The following OLA1 variants were observed in gnomAD, a reference collection of about 807,000 sequenced individuals.
The protein encoded by OLA1 is Obg like ATPase 1, also known as obg-like ATPase 1.
In OLA1, 14 loss-of-function variants were observed where a neutral mutation model predicts 48.4. The observed-to-expected ratio is 0.29, with a 90% CI of 0.19 to 0.45. The LOEUF is 0.45. OLA1 is among the 20% of genes least tolerant of loss of function. OLA1 has a pLI of 1.00. For missense variants in OLA1, 325 were observed against 467.1 expected, an observed-to-expected ratio of 0.70 and a Z score of 2.80; for synonymous variants, 127 against 150.4, an observed-to-expected ratio of 0.84 and a Z score of 1.14.
At chr2:174,181,221 G>C (rs76519710) in intron 4 of OLA1, among the ~76,000 whole-genome samples, 20,125 of 152,132 alleles carry the variant, frequency 0.13, 1,792 homozygotes, top group Non-Finnish European at 0.2. Context: ...ATAAACAAGG[G>C]GGCATTTTAA....
chr2:174,222,988 A>ACTGATCTG, intron 4 of OLA1, 45 bp downstream of exon 4: 1 of 1,560,298 alleles, frequency 6.4e-7, no homozygotes, highest in Non-Finnish European at 8.7e-7. Flanking sequence ...GAAAGAAAAC[A>ACTGATCTG]CTGATCTGAA....
intron 4 of OLA1, among the ~76,000 whole-genome samples, chr2:174,199,279 G>A (rs1167021513): frequency 6.6e-6 from 1 of 151,978 alleles, no homozygotes; most frequent in East Asian, 1.9e-4. Flanking sequence ...TAAAATTCAG[G>A]CTCTCAGCCA....
At chr2:174,241,729 A>C (rs1294883564) in intron 2 of OLA1, among the ~76,000 whole-genome samples, 3 of 152,194 alleles carry the variant, frequency 2.0e-5, no homozygotes, top group Non-Finnish European at 4.4e-5. Flanking sequence ...TCTGCCTCCC[A>C]GGTTCAAGCC....
intron 2 of OLA1, among the ~76,000 whole-genome samples, chr2:174,236,668 T>G (rs1688858204): frequency 6.6e-6 from 1 of 152,226 alleles, no homozygotes; most frequent in Non-Finnish European, 1.5e-5. Context: ...CAAACCTAGA[T>G]GGTACAGCCT....
intron 9 of OLA1, among the ~76,000 whole-genome samples, chr2:174,079,594 G>C (rs1684817073): frequency 6.6e-6 from 1 of 151,702 alleles, no homozygotes; most frequent in African/African-American, 2.4e-5. Flanking sequence ...AAAAAATTTC[G>C]ATAATAAAAT....
At chr2:174,184,820 T>G (rs1687617230) in intron 4 of OLA1, among the ~76,000 whole-genome samples, 1 of 152,210 alleles carries the variant, frequency 6.6e-6, no homozygotes, top group South Asian at 2.1e-4. Context: ...CAGACTATGT[T>G]AAACAAGAAA....
chr2:174,169,143 C>T (rs1279491300), intron 4 of OLA1, among the ~76,000 whole-genome samples: 8 of 152,104 alleles, frequency 5.3e-5, no homozygotes, highest in South Asian at 2.1e-4. Context: ...GATGGGGTTT[C>T]GCCATGTTGG....
intron 4 of OLA1, among the ~76,000 whole-genome samples, chr2:174,162,401 T>C (rs1290875627): frequency 1.3e-5 from 2 of 152,158 alleles, no homozygotes; most frequent in Non-Finnish European, 2.9e-5. Flanking sequence ...AAATATGTGG[T>C]CCTATGGAAT....
In OLA1 at chr2:174,163,030, TGA is replaced by T. The variant is rs1284153910; in HGVS notation, c.374-21032_374-21031del. Among the ~76,000 whole-genome samples, 212 of 151,556 alleles carry T rather than the reference TGA, an allele frequency of 1.4e-3. 1 individual carries two copies. Among genetic ancestry groups the T allele is most frequent in the Non-Finnish European group, 2.8e-4 (19 of 67,830 alleles). ...CTGCACTCCAGCCTGGGCAACAGAGTGAGACTGTCTCAAACAAAGAAAAGAAC... is the reference window on the plus strand; with the variant it reads ...CTGCACTCCAGCCTGGGCAACAGAGTGACTGTCTCAAACAAAGAAAAGAAC... On this transcript the variant is annotated intron_variant, in intron 4 of 10. Coordinates refer to ENST00000284719, the MANE Select transcript of OLA1 (RefSeq NM_013341.5).
chr2:174,174,535 G>A (rs757809955), intron 4 of OLA1, among the ~76,000 whole-genome samples: 34 of 151,900 alleles, frequency 2.2e-4, no homozygotes, highest in Non-Finnish European at 4.0e-4. Context: ...ACCTGATTAA[G>A]GGCTTCTAAA....
chr2:174,092,083 T>C (rs9636296), intron 7 of OLA1, among the ~76,000 whole-genome samples: 77,369 of 141,802 alleles, frequency 0.55, 21,701 homozygotes, highest in East Asian at 0.95. Flanking sequence ...GCCAAGATCA[T>C]GCCTCTGCAC....
In OLA1 at chr2:174,123,837, T is replaced by A. The variant is rs139336256; in HGVS notation, c.550-162A>T. On this transcript the variant is annotated intron_variant, in intron 5 of 10. Coordinates refer to ENST00000284719, the MANE Select transcript of OLA1 (RefSeq NM_013341.5). The stretch of plus-strand genomic sequence containing the variant: ...TTTCAATATCTCATTTAAAAACCAA[T>A]TACTAATAAAACATTGTGGCATTAA... Among the ~76,000 whole-genome samples the A allele has an allele frequency of 7.9e-3, 1,208 of 152,300 alleles. 17 individuals carry two copies. Among genetic ancestry groups the A allele is most frequent in the African/African-American group, 0.027 (1,137 of 41,570 alleles).
At position 174,073,672 on chromosome 2, in the gene OLA1, T is replaced by C. The variant is rs1172383131; in HGVS notation, c.*1754A>G. The stretch of plus-strand genomic sequence containing the variant: ...AAAGTAAAATTGCATGATCCTAATG[T>C]CTTTTTACTGATTTCAAACTTCTTT... On this transcript the variant is annotated 3_prime_UTR_variant, in exon 11 of 11. Transcript: ENST00000284719. 1 of 152,256 alleles carries C rather than the reference T, an allele frequency of 6.6e-6. No individual in the cohort carries two copies. Among genetic ancestry groups the C allele is most frequent in the African/African-American group, 2.4e-5 (1 of 41,464 alleles). The allele number at this position is 152,256 out of a possible 1,614,324, so 9.4% of individuals were successfully genotyped here.
At chr2:174,082,583 G>C (rs542170798) in intron 7 of OLA1, among the ~76,000 whole-genome samples, 3 of 152,248 alleles carry the variant, frequency 2.0e-5, no homozygotes, top group Non-Finnish European at 4.4e-5. Flanking sequence ...CACTAGTTTT[G>C]AGGAAGCTTT....
At chr2:174,241,600 A>C (rs1477245939) in intron 2 of OLA1, among the ~76,000 whole-genome samples, 3 of 152,160 alleles carry the variant, frequency 2.0e-5, no homozygotes, top group African/African-American at 7.2e-5. Flanking sequence ...CTAGTTGCCC[A>C]TAATATCCAT....
chr2:174,216,489 CAATT>C (rs994686828), intron 4 of OLA1, among the ~76,000 whole-genome samples: 10 of 152,166 alleles, frequency 6.6e-5, no homozygotes, highest in East Asian at 1.9e-4. Flanking sequence ...TTCAGACAAA[CAATT>C]AATCTTGTGA....
intron 4 of OLA1, among the ~76,000 whole-genome samples, chr2:174,173,381 G>A (rs371268857): frequency 2.1e-4 from 32 of 152,268 alleles, no homozygotes; most frequent in African/African-American, 4.6e-4. Flanking sequence ...CCTATACGGC[G>A]TGAGGTTTTT....
intron 4 of OLA1, among the ~76,000 whole-genome samples, chr2:174,207,014 T>A (rs1688129141): frequency 6.6e-6 from 1 of 152,218 alleles, no homozygotes; most frequent in African/African-American, 2.4e-5. Flanking sequence ...CATTTAAAAC[T>A]TTTAAATGAT....
At chr2:174,133,511 C>T (rs1459880358) in intron 5 of OLA1, among the ~76,000 whole-genome samples, 1 of 152,190 alleles carries the variant, frequency 6.6e-6, no homozygotes, top group African/African-American at 2.4e-5. Flanking sequence ...CAGGCATGTG[C>T]CAGAATGCCC....
Sources: gnomAD v4.1 joint callset for allele counts (sites outside exome capture counted in the v4.1 genomes callset) on GRCh38, gnomAD v4.1.1 for gene constraint, MANE v1.5 for transcripts, NCBI Gene and HGNC (gene_info 2026-07-23, HGNC 2026-07-21) for gene names.